Variants in BRINP2 observed in about 807,000 individuals in gnomAD.
The protein encoded by BRINP2 is BMP/retinoic acid inducible neural specific 2.
A neutral mutation model predicts 69.2 loss-of-function variants in BRINP2; 21 were observed. The observed-to-expected ratio is 0.30, with a 90% CI of 0.22 to 0.44. BRINP2 has a LOEUF of 0.44. Ranked by LOEUF, BRINP2 falls within the 20% of genes least tolerant of loss-of-function variation. The pLI, the probability that BRINP2 is intolerant of heterozygous loss-of-function variation, is 1.00. For synonymous variants in BRINP2, 380 were observed against 394.1 expected (o/e 0.96, Z 0.42); for missense variants, 877 against 986.0 (o/e 0.89, Z 1.48).
chr1:177,242,141 G>A (rs1650223861), intron 2 of BRINP2, among the ~76,000 whole-genome samples: 2 of 152,138 alleles, frequency 1.3e-5, no homozygotes, highest in Admixed American at 6.5e-5. Context: ...CCCCATCTGA[G>A]TTTTGTAGAT....
chr1:177,216,793 T>C (rs1352707306), intron 1 of BRINP2, among the ~76,000 whole-genome samples: 1 of 151,694 alleles, frequency 6.6e-6, no homozygotes, highest in African/African-American at 2.4e-5. Context: ...TTTTTTTTTT[T>C]TTTCACTTCA....
At chr1:177,231,787 C>G (rs1458333073) in intron 2 of BRINP2, among the ~76,000 whole-genome samples, 1 of 152,210 alleles carries the variant, frequency 6.6e-6, no homozygotes, top group African/African-American at 2.4e-5. Context: ...ATCACCGAAG[C>G]AGAGAGCACC....
At chr1:177,256,903 T>C in intron 3 of BRINP2, 1 of 1,271,430 alleles carries the variant, frequency 7.9e-7, no homozygotes, top group Non-Finnish European at 1.0e-6. Flanking sequence ...GATGGATTGC[T>C]TGAGACAGAG....
Position 177,257,362 on chromosome 1 carries a change from A to C in BRINP2, c.647A>C (p.Gln216Pro), listed in dbSNP as rs1318081220. The C allele has an allele frequency of 6.2e-7, 1 of 1,611,674 alleles. No homozygotes were observed. Among genetic ancestry groups the C allele is most frequent in the Non-Finnish European group, 8.5e-7 (1 of 1,178,346 alleles). Residue 216 changes from glutamine to proline, a missense_variant, in exon 4 of 8, where the codon CAG (glutamine) becomes CCG (proline). Physicochemically the swap from Gln to Pro is moderately conservative, Grantham distance 76. Around this residue, in one of 3 missense-constraint regions of BRINP2, gnomAD observed 566 missense variants for 625.2 expected, o/e 0.91. Coordinates refer to ENST00000361539, the MANE Select transcript of BRINP2 (RefSeq NM_021165.4). ...ACGCTGCGACGGCTGCACCATATCCAGATAGCCACGGGGGCCATCAAGGTA... is the reference window on the plus strand; with the variant it reads ...ACGCTGCGACGGCTGCACCATATCCCGATAGCCACGGGGGCCATCAAGGTA... The part of the protein sequence containing the change: ...ESTLRRLHHI[Q>P]IATGAIKVTE...
At chr1:177,251,823 GCCTTT>G (rs1449961335) in intron 2 of BRINP2, among the ~76,000 whole-genome samples, 1 of 152,022 alleles carries the variant, frequency 6.6e-6, no homozygotes, top group Non-Finnish European at 1.5e-5. Flanking sequence ...TGCTAAGTTG[GCCTTT>G]CCTTTCCGTG....
intron 2 of BRINP2, among the ~76,000 whole-genome samples, chr1:177,243,580 C>A (rs991966484): frequency 2.0e-5 from 3 of 152,072 alleles, no homozygotes; most frequent in Admixed American, 1.3e-4. Context: ...TCCAGCTAGG[C>A]AATACAGTTA....
At chr1:177,256,497 A>G (rs1014140288) in intron 3 of BRINP2, 35 of 985,102 alleles carry the variant, frequency 3.6e-5, no homozygotes, top group Non-Finnish European at 4.2e-5. Context: ...GGAGTCCCTG[A>G]CCCCTCTTCC....
In BRINP2 at chr1:177,230,108, T is replaced by C; in HGVS notation, c.232T>C (p.Tyr78His). The change falls in exon 2 of 8, where the codon TAC (tyrosine) becomes CAC (histidine). Residue 78 changes from tyrosine (Y) to histidine (H), a missense_variant. By Grantham distance (83) the Tyr-to-His change is moderately conservative. Coordinates refer to ENST00000361539, the MANE Select transcript of BRINP2 (RefSeq NM_021165.4). ...AQEYADFMER[Y>H]RQGFTTRYRI... ...GGAGTATGCTGACTTCATGGAGCGG[T>C]ACCGCCAGGGTTTCACCACCAGGTA... is the stretch of plus-strand genomic sequence containing the variant. The C allele has an allele frequency of 1.2e-6, 2 of 1,612,650 alleles. No homozygotes were observed. The highest frequency in any genetic ancestry group is 1.7e-6 in the Non-Finnish European group (2 of 1,179,360).
At chr1:177,181,144 G>C (rs555204995) in intron 1 of BRINP2, among the ~76,000 whole-genome samples, 1 of 152,354 alleles carries the variant, frequency 6.6e-6, no homozygotes, top group South Asian at 2.1e-4. Flanking sequence ...GTGAATAGTG[G>C]AGTTGGGATT....
At chr1:177,198,747 C>G (rs12079554) in intron 1 of BRINP2, among the ~76,000 whole-genome samples, 20,666 of 152,098 alleles carry the variant, frequency 0.14, 2,613 homozygotes, top group African/African-American at 0.33. Context: ...TTCCACAGTT[C>G]TTGGATGAAA....
rs116806820 is a variant in BRINP2 at position 177,191,450 on chromosome 1, C to T, written c.-77+19718C>T. 5.1e-3 allele frequency among the ~76,000 whole-genome samples: 773 copies of T among 152,102 alleles called. 9 individuals carry two copies. The highest frequency in any genetic ancestry group is 0.018 in the African/African-American group (741 of 41,502). ...TCCCTCCCTCCTCTTTTTTCTTTCA[C>T]TCTTTCGCTCTTTTTTTGTTTTGAG... On this transcript the variant is annotated intron_variant, in intron 1 of 7. Transcript: ENST00000361539.
Position 177,281,805 on chromosome 1 carries a change from A to G in BRINP2, c.*277A>G. 1 of 307,054 alleles carries G rather than the reference A, an allele frequency of 3.3e-6. No homozygotes were observed. The highest frequency in any genetic ancestry group is 5.9e-6 in the Non-Finnish European group (1 of 168,160). 19.0% of individuals were successfully genotyped at this position (307,054 alleles called of 1,614,324 possible). ...AAGTTGATTGGTGCTTTCTAAAATG[A>G]ATGCAATTGAAAGAAAGGAGCCAAG... On this transcript the variant is annotated 3_prime_UTR_variant, in exon 8 of 8. Transcript: ENST00000361539.
At chr1:177,240,799 G>A (rs1453024249) in intron 2 of BRINP2, among the ~76,000 whole-genome samples, 1 of 152,206 alleles carries the variant, frequency 6.6e-6, no homozygotes, top group African/African-American at 2.4e-5. Context: ...AAGGAAGCTT[G>A]ACAATGTGGG....
intron 1 of BRINP2, among the ~76,000 whole-genome samples, chr1:177,182,568 C>A (rs1571883697): frequency 6.6e-6 from 1 of 152,270 alleles, no homozygotes; most frequent in East Asian, 1.9e-4. Flanking sequence ...CTGCTCTGAG[C>A]TACAACCCTT....
At chr1:177,238,875 T>G (rs1355973246) in intron 2 of BRINP2, among the ~76,000 whole-genome samples, 2 of 152,224 alleles carry the variant, frequency 1.3e-5, no homozygotes, top group African/African-American at 4.8e-5. Flanking sequence ...ACTAAGTACT[T>G]TATTAACATT....
chr1:177,256,463 A>C (rs113808924), intron 3 of BRINP2: 1 of 985,296 alleles, frequency 1.0e-6, no homozygotes, highest in Admixed American at 6.1e-5. Flanking sequence ...GGTCAGACCC[A>C]CAGGCAAAAA....
At chr1:177,227,765 G>A (rs189213683) in intron 1 of BRINP2, among the ~76,000 whole-genome samples, 9 of 152,076 alleles carry the variant, frequency 5.9e-5, no homozygotes, top group African/African-American at 2.2e-4. Flanking sequence ...TGCAATTAGT[G>A]TCTGATGCTT....
intron 1 of BRINP2, among the ~76,000 whole-genome samples, chr1:177,224,164 A>C (rs891720937): frequency 2.0e-5 from 3 of 152,194 alleles, no homozygotes; most frequent in African/African-American, 7.2e-5. Flanking sequence ...ATTGCGGATG[A>C]CAAGAACAAA....
chr1:177,218,408 G>T (rs1292737747), intron 1 of BRINP2, among the ~76,000 whole-genome samples: 1 of 152,130 alleles, frequency 6.6e-6, no homozygotes, highest in Non-Finnish European at 1.5e-5. Context: ...CTCTGATTGA[G>T]CACGACTAGT....
Sources: gnomAD v4.1 joint callset for allele counts (sites outside exome capture counted in the v4.1 genomes callset) on GRCh38, gnomAD v4.1.1 for gene constraint, gnomAD v4.1.1 regional missense constraint, MANE v1.5 for transcripts, NCBI Gene and HGNC (gene_info 2026-07-23, HGNC 2026-07-21) for gene names.